Variants in GALNTL6 observed in about 807,000 individuals in gnomAD.
The protein encoded by GALNTL6 is polypeptide N-acetylgalactosaminyltransferase-like 6.
A neutral mutation model predicts 73.7 loss-of-function variants in GALNTL6; 46 were observed. The ratio of observed to expected loss-of-function variants is 0.62; its 90% CI spans 0.49 to 0.80. The LOEUF (loss-of-function observed/expected upper bound fraction) is 0.80, where lower values mean the gene tolerates loss of function less well. Among genes scored for constraint, GALNTL6 ranks in the 30% least tolerant of loss-of-function variants. The probability of loss-of-function intolerance (pLI) is 0.00; values close to 1 mark genes in which losing one functional copy is unlikely to be tolerated. For missense variants in GALNTL6, 604 were observed against 755.0 expected, an observed-to-expected ratio of 0.80 and a Z score of 2.34; for synonymous variants, 259 against 263.7, an observed-to-expected ratio of 0.98 and a Z score of 0.17.
At chr4:172,741,400 C>T (rs893556905) in intron 5 of GALNTL6, among the ~76,000 whole-genome samples, 1 of 152,082 alleles carries the variant, frequency 6.6e-6, no homozygotes, top group Non-Finnish European at 1.5e-5. Context: ...TTCCTTTGTG[C>T]CTTCCAGTCT....
At position 172,317,248 on chromosome 4, in the gene GALNTL6, TA is replaced by T. The variant is rs527276551; in HGVS notation, c.386+5498del. Reference sequence around the variant, plus strand: ...CCTGCCTTCCTGGAAGTATATTGAATAATGATTCTAAATATATTGACTTGCA... The same window carrying T: ...CCTGCCTTCCTGGAAGTATATTGAATATGATTCTAAATATATTGACTTGCA... On this transcript the variant is annotated intron_variant, in intron 4 of 12. Transcript: ENST00000506823. 7.1e-3 allele frequency among the ~76,000 whole-genome samples: 1,088 copies of T among 152,354 alleles called. 10 individuals are homozygous for T. The highest frequency in any genetic ancestry group is 0.01 in the Middle Eastern group (3 of 294).
intron 10 of GALNTL6, among the ~76,000 whole-genome samples, chr4:172,984,636 C>A (rs1251085883): frequency 6.6e-6 from 1 of 152,106 alleles, no homozygotes; most frequent in Admixed American, 6.6e-5. Context: ...GCGAGGACGG[C>A]AAAGCCTGGG....
rs564891935 is a variant in GALNTL6 at position 171,987,201 on chromosome 4, T to C, written c.138+172483T>C. Among the ~76,000 whole-genome samples the C allele has an allele frequency of 3.6e-3, 549 of 152,288 alleles. 1 individual carries two copies. The highest frequency in any genetic ancestry group is 6.5e-3 in the Non-Finnish European group (440 of 68,024). ...TGGTAAAAGTATTGTCCAGTCTTTTTTAAGTTGGTGGCTGAGCTTGGTGAG... is the reference window on the plus strand; with the variant it reads ...TGGTAAAAGTATTGTCCAGTCTTTTCTAAGTTGGTGGCTGAGCTTGGTGAG... On this transcript the variant is annotated intron_variant, in intron 2 of 12. Coordinates refer to ENST00000506823, the MANE Select transcript of GALNTL6 (RefSeq NM_001034845.3).
intron 5 of GALNTL6, among the ~76,000 whole-genome samples, chr4:172,459,905 A>G (rs1357841824): frequency 6.6e-6 from 1 of 152,238 alleles, no homozygotes; most frequent in African/African-American, 2.4e-5. Context: ...CCATGTAGCC[A>G]AGACAATCTT....
At chr4:172,485,705 A>G (rs1198432469) in intron 5 of GALNTL6, among the ~76,000 whole-genome samples, 1 of 152,324 alleles carries the variant, frequency 6.6e-6, no homozygotes, top group East Asian at 1.9e-4. Flanking sequence ...TGTTCCAAAT[A>G]AAAAAGAGAA....
intron 2 of GALNTL6, among the ~76,000 whole-genome samples, chr4:172,119,186 T>C (rs545857701): frequency 6.6e-6 from 1 of 152,312 alleles, no homozygotes; most frequent in East Asian, 1.9e-4. Flanking sequence ...TAAAATAATT[T>C]GTGGCATCAT....
chr4:172,273,627 G>C (rs912324521), intron 3 of GALNTL6, among the ~76,000 whole-genome samples: 6 of 152,116 alleles, frequency 3.9e-5, no homozygotes. Flanking sequence ...TCAACAGATA[G>C]GTAGAGTTAG....
chr4:171,881,208 A>T (rs562794260), intron 2 of GALNTL6, among the ~76,000 whole-genome samples: 1 of 152,222 alleles, frequency 6.6e-6, no homozygotes, highest in Non-Finnish European at 1.5e-5. Flanking sequence ...TTTCATTAAC[A>T]TCTTCTCTAA....
At chr4:172,609,765 T>C (rs1738454960) in intron 5 of GALNTL6, among the ~76,000 whole-genome samples, 1 of 151,848 alleles carries the variant, frequency 6.6e-6, no homozygotes, top group Non-Finnish European at 1.5e-5. Flanking sequence ...TCAGTAGGAA[T>C]TATACCAGCT....
chr4:172,814,130 T>G (rs1247485356), intron 7 of GALNTL6, among the ~76,000 whole-genome samples: 16 of 152,206 alleles, frequency 1.1e-4, no homozygotes, highest in Admixed American at 1.0e-3. Flanking sequence ...TATGAACCAG[T>G]GTTTAAGCCT....
chr4:173,002,368 G>A (rs757597272), intron 10 of GALNTL6, among the ~76,000 whole-genome samples: 9 of 151,942 alleles, frequency 5.9e-5, no homozygotes, highest in Non-Finnish European at 1.3e-4. Context: ...CCAGCCTGGT[G>A]ACAGAGTGAG....
intron 2 of GALNTL6, among the ~76,000 whole-genome samples, chr4:171,868,900 C>T (rs982420563): frequency 6.6e-5 from 10 of 152,112 alleles, no homozygotes; most frequent in East Asian, 1.9e-4. Flanking sequence ...AGGCTGGTCT[C>T]GAACTCCTGA....
chr4:172,920,356 T>C (rs762589536), intron 8 of GALNTL6, among the ~76,000 whole-genome samples: 2 of 152,230 alleles, frequency 1.3e-5, no homozygotes, highest in Non-Finnish European at 2.9e-5. Flanking sequence ...TTCCCAAAGT[T>C]ACCCTTTTTA....
intron 2 of GALNTL6, among the ~76,000 whole-genome samples, chr4:171,978,050 C>T (rs868553186): frequency 6.6e-6 from 1 of 151,820 alleles, no homozygotes; most frequent in African/African-American, 2.4e-5. Flanking sequence ...TGGCAAAAAC[C>T]GCCATTACTA....
At chr4:171,992,182 C>A (rs1383954771) in intron 2 of GALNTL6, among the ~76,000 whole-genome samples, 1 of 151,978 alleles carries the variant, frequency 6.6e-6, no homozygotes, top group African/African-American at 2.4e-5. Flanking sequence ...AATCTGCATG[C>A]ATGTTCTTGA....
At chr4:171,856,538 T>G (rs1186105638) in intron 2 of GALNTL6, among the ~76,000 whole-genome samples, 2 of 152,200 alleles carry the variant, frequency 1.3e-5, no homozygotes, top group Non-Finnish European at 2.9e-5. Flanking sequence ...AGGAGGTTTA[T>G]GGTTTTGAAT....
chr4:171,943,437 A>G (rs1196445437), intron 2 of GALNTL6, among the ~76,000 whole-genome samples: 1 of 152,206 alleles, frequency 6.6e-6, no homozygotes, highest in Non-Finnish European at 1.5e-5. Flanking sequence ...AAATTCTTCT[A>G]CAATCTTAAT....
At chr4:172,555,855 T>C (rs1736122546) in intron 5 of GALNTL6, among the ~76,000 whole-genome samples, 1 of 152,058 alleles carries the variant, frequency 6.6e-6, no homozygotes, top group Middle Eastern at 3.2e-3. Context: ...GTAAAAAATA[T>C]GGAAAATGTT....
intron 5 of GALNTL6, among the ~76,000 whole-genome samples, chr4:172,552,875 C>A (rs1215009377): frequency 7.9e-6 from 1 of 126,258 alleles, no homozygotes; most frequent in African/African-American, 3.1e-5. Context: ...ACCGCAATTA[C>A]TTTTGCACCA....
Sources: gnomAD v4.1 joint callset for allele counts (sites outside exome capture counted in the v4.1 genomes callset) on GRCh38, gnomAD v4.1.1 for gene constraint, MANE v1.5 for transcripts, NCBI Gene and HGNC (gene_info 2026-07-23, HGNC 2026-07-21) for gene names.